Variants in GRIN3A observed in about 807,000 individuals in gnomAD.
GRIN3A encodes glutamate receptor ionotropic, NMDA 3A.
A neutral mutation model predicts 92.4 loss-of-function variants in GRIN3A; 47 were observed. The observed-to-expected ratio is 0.51, with a 90% CI of 0.40 to 0.65. GRIN3A has a LOEUF of 0.65. Among genes scored for constraint, GRIN3A ranks in the 30% least tolerant of loss-of-function variants. The pLI, the probability that GRIN3A is intolerant of heterozygous loss-of-function variation, is 0.00. For synonymous variants in GRIN3A, 527 were observed against 540.6 expected, an observed-to-expected ratio of 0.97 and a Z score of 0.35; for missense variants, 1,324 against 1,393.1, an observed-to-expected ratio of 0.95 and a Z score of 0.79.
intron 3 of GRIN3A, 146 bp from the exon 4 acceptor site, chr9:101,628,547 G>A: frequency 1.4e-6 from 1 of 731,440 alleles, no homozygotes; most frequent in Non-Finnish European, 2.2e-6. Context: ...GAAATGTGCA[G>A]ACATGGCTAC....
intron 1 of GRIN3A, among the ~76,000 whole-genome samples, chr9:101,714,333 A>G (rs1017202448): frequency 6.6e-6 from 1 of 152,220 alleles, no homozygotes; most frequent in Non-Finnish European, 1.5e-5. Context: ...AGTAAATCCA[A>G]TAATAGATTT....
chr9:101,578,664 C>A (rs549702581), intron 7 of GRIN3A, among the ~76,000 whole-genome samples: 4 of 152,286 alleles, frequency 2.6e-5, no homozygotes, highest in Admixed American at 6.5e-5. Context: ...CACCAGTCTG[C>A]TTGACAGTTT....
chr9:101,695,197 C>T (rs1405552332), intron 1 of GRIN3A, among the ~76,000 whole-genome samples: 1 of 152,100 alleles, frequency 6.6e-6, no homozygotes, highest in African/African-American at 2.4e-5. Context: ...CACTAAGAGA[C>T]CTGATGTGCA....
intron 2 of GRIN3A, among the ~76,000 whole-genome samples, chr9:101,685,341 G>T (rs1305841607): frequency 7.8e-6 from 1 of 128,524 alleles, no homozygotes. Context: ...ACGGAGTCTC[G>T]CTGTGTTGCC....
Position 101,637,340 on chromosome 9 carries a change from G to A in GRIN3A, c.2353-8939C>T, listed in dbSNP as rs367855199. ...CATCTCCTGACCTCGTGATCCACCC[G>A]CCTCGGCTTCCCAAAGCACTGGACA... On this transcript the variant is annotated intron_variant, in intron 3 of 8. Coordinates refer to ENST00000361820, the MANE Select transcript of GRIN3A (RefSeq NM_133445.3). 1.6e-4 allele frequency among the ~76,000 whole-genome samples: 24 copies of A among 152,152 alleles called. No homozygotes were observed. The East Asian group carries it at 3.7e-3, about 23-fold the overall frequency.
At chr9:101,636,322 A>G (rs993114778) in intron 3 of GRIN3A, among the ~76,000 whole-genome samples, 1 of 152,182 alleles carries the variant, frequency 6.6e-6, no homozygotes, top group Non-Finnish European at 1.5e-5. Flanking sequence ...TATTATTTTA[A>G]TAATGATAAT....
intron 3 of GRIN3A, among the ~76,000 whole-genome samples, chr9:101,661,305 G>A (rs1829168577): frequency 6.6e-6 from 1 of 151,784 alleles, no homozygotes; most frequent in African/African-American, 2.4e-5. Context: ...ATACATGAAT[G>A]TTGTAAAAAA....
chr9:101,721,712 G>C (rs1681683186), intron 1 of GRIN3A, among the ~76,000 whole-genome samples: 1 of 152,192 alleles, frequency 6.6e-6, no homozygotes, highest in African/African-American at 2.4e-5. Context: ...TTTCAGCAAA[G>C]AGACTGGAGG....
intron 1 of GRIN3A, among the ~76,000 whole-genome samples, chr9:101,709,443 G>C (rs1037158028): frequency 2.0e-5 from 3 of 152,176 alleles, no homozygotes; most frequent in Admixed American, 1.3e-4. Context: ...GCAGAGCCTG[G>C]TTATTAATGT....
At chr9:101,586,928 T>C (rs770724432) in intron 6 of GRIN3A, among the ~76,000 whole-genome samples, 113 of 152,286 alleles carry the variant, frequency 7.4e-4, no homozygotes, top group Non-Finnish European at 9.9e-4. Context: ...TGGAGTGCTG[T>C]GGTTCGAGGC....
intron 1 of GRIN3A, among the ~76,000 whole-genome samples, chr9:101,727,675 C>A (rs1188489153): frequency 6.6e-6 from 1 of 151,794 alleles, no homozygotes; most frequent in Non-Finnish European, 1.5e-5. Context: ...GATGAAACTT[C>A]TTAGTAGAAG....
intron 4 of GRIN3A, among the ~76,000 whole-genome samples, chr9:101,625,178 T>C (rs1828614126): frequency 6.6e-6 from 1 of 152,110 alleles, no homozygotes; most frequent in South Asian, 2.1e-4. Flanking sequence ...TAGGTATTTA[T>C]TTTTTAAAAA....
intron 4 of GRIN3A, among the ~76,000 whole-genome samples, chr9:101,624,229 T>A (rs949825706): frequency 6.6e-6 from 1 of 151,458 alleles, no homozygotes; most frequent in African/African-American, 2.4e-5. Flanking sequence ...TTTTTTTATT[T>A]TATTATTATT....
intron 5 of GRIN3A, among the ~76,000 whole-genome samples, chr9:101,622,644 GT>G (rs369957766): frequency 1.1e-4 from 17 of 151,326 alleles, no homozygotes; most frequent in Admixed American, 6.6e-4. Flanking sequence ...TATAGAATGA[GT>G]TTTTTTTTCT....
intron 5 of GRIN3A, among the ~76,000 whole-genome samples, chr9:101,621,690 C>T (rs578234080): frequency 1.4e-4 from 22 of 152,234 alleles, no homozygotes; most frequent in African/African-American, 4.3e-4. Context: ...GAGTTAATTG[C>T]GTGGCATCTG....
chr9:101,602,953 A>G (rs1301625561), intron 6 of GRIN3A: 1 of 152,150 alleles, frequency 6.6e-6, no homozygotes, highest in African/African-American at 2.4e-5. Context: ...CCAAGTTACC[A>G]TTGTTTCCGT....
At chr9:101,725,711 T>G (rs1265802185) in intron 1 of GRIN3A, among the ~76,000 whole-genome samples, 1 of 152,234 alleles carries the variant, frequency 6.6e-6, no homozygotes, top group African/African-American at 2.4e-5. Context: ...CTAAAAATTG[T>G]GTTATGGATA....
rs1827850556 is a variant in GRIN3A at position 101,578,246 on chromosome 9, C to CA, written c.2932-403dup. On this transcript the variant is annotated intron_variant, in intron 7 of 8. Transcript: ENST00000361820. ...TTGAGAATTAAGTTAATCATATTAG[C>CA]ATACAATAAGGAAGATCTGTGGAGT... 1.3e-4 allele frequency among the ~76,000 whole-genome samples: 20 copies of CA among 152,020 alleles called. 1 individual carries two copies. The highest frequency in any genetic ancestry group is 1.0e-3 in the Admixed American group (16 of 15,262).
chr9:101,656,281 C>T (rs1336528015), intron 3 of GRIN3A, among the ~76,000 whole-genome samples: 3 of 151,362 alleles, frequency 2.0e-5, no homozygotes, highest in Admixed American at 2.0e-4. Context: ...TGTGTAGGTC[C>T]ATTATCCAAG....
Sources: gnomAD v4.1 joint callset for allele counts (sites outside exome capture counted in the v4.1 genomes callset) on GRCh38, gnomAD v4.1.1 for gene constraint, MANE v1.5 for transcripts, NCBI Gene and HGNC (gene_info 2026-07-23, HGNC 2026-07-21) for gene names.